Variants in GREB1 observed in about 807,000 individuals in gnomAD.
GREB1 encodes the protein growth regulating estrogen receptor binding 1.
GREB1 carries 106 observed loss-of-function variants against 200.7 expected under a neutral mutation model. That is an observed-to-expected ratio of 0.53 (90% CI 0.45 to 0.62). The LOEUF (loss-of-function observed/expected upper bound fraction) is 0.62, where lower values mean the gene tolerates loss of function less well. Among genes scored for constraint, GREB1 ranks in the 20% least tolerant of loss-of-function variants. The probability of loss-of-function intolerance (pLI) is 0.00; values close to 1 mark genes in which losing one functional copy is unlikely to be tolerated. For missense variants in GREB1, 2,243 were observed against 2,556.8 expected, an observed-to-expected ratio of 0.88 and a Z score of 2.65; for synonymous variants, 1,132 against 1,092.4, an observed-to-expected ratio of 1.04 and a Z score of -0.72.
intron 4 of GREB1, among the ~76,000 whole-genome samples, chr2:11,575,837 A>G (rs1305502053): frequency 6.6e-6 from 1 of 152,188 alleles, no homozygotes; most frequent in Non-Finnish European, 1.5e-5. Flanking sequence ...TGATCTGTGT[A>G]GACAGTGGAA....
At chr2:11,521,494 G>C (rs1558499110) in intron 1 of GREB1, among the ~76,000 whole-genome samples, 1 of 152,166 alleles carries the variant, frequency 6.6e-6, no homozygotes, top group Non-Finnish European at 1.5e-5. Flanking sequence ...ACTTTTAAAG[G>C]ATAAAACAAT....
rs1672810302 is a variant in GREB1, at chr2:11,493,313, G to A, written c.-159+10932G>A. On this transcript the variant is annotated intron_variant, in intron 1 of 2. Transcript: ENST00000628795. This position sits in a 1 kb window ranked among gnomAD's most constrained non-coding sequence, Gnocchi z 4.6. ...GACAATTTTTCCACAGACAGGGTGT[G>A]GGGGAGGGTGAAACTATTCCACCTC... Among the ~76,000 whole-genome samples, 1 of 152,160 alleles carries A rather than the reference G, an allele frequency of 6.6e-6. No individual in the cohort carries two copies. Among genetic ancestry groups the A allele is most frequent in the Non-Finnish European group, 1.5e-5 (1 of 68,016 alleles).
intron 8 of GREB1, 81 bp downstream of exon 8, chr2:11,585,355 T>C: frequency 1.2e-6 from 1 of 828,840 alleles, no homozygotes; most frequent in Non-Finnish European, 1.9e-6. Flanking sequence ...TATGTGTGCG[T>C]GTGTGCGTGC....
chr2:11,563,037 A>G (rs1216546668), intron 3 of GREB1: 1 of 151,958 alleles, frequency 6.6e-6, no homozygotes, highest in African/African-American at 2.4e-5. Flanking sequence ...CAGTGGTGCA[A>G]TCTCAGATCA....
chr2:11,605,111 G>T (rs1682130098), intron 17 of GREB1, among the ~76,000 whole-genome samples: 2 of 138,656 alleles, frequency 1.4e-5, no homozygotes, highest in African/African-American at 5.2e-5. Context: ...TGACCTGGGG[G>T]TACTGTCTGG....
intron 1 of GREB1, among the ~76,000 whole-genome samples, chr2:11,510,272 T>C (rs1056563509): frequency 6.6e-6 from 1 of 152,248 alleles, no homozygotes; most frequent in Non-Finnish European, 1.5e-5. Flanking sequence ...ATGTACCTTA[T>C]ATTGCACCAA....
intron 10 of GREB1, chr2:11,592,187 CTTTT>C (rs60260708): frequency 5.3e-4 from 164 of 311,794 alleles, no homozygotes; most frequent in Non-Finnish European, 6.5e-4. Context: ...TTTTTTTTTT[CTTTT>C]TTTTTTTTTT....
At position 11,631,899 on chromosome 2, in the gene GREB1, T is replaced by C; in HGVS notation, c.4612-10T>C. 1.2e-6 allele frequency: 2 copies of C among 1,604,428 alleles called. No individual in the cohort carries two copies. The highest frequency in any genetic ancestry group is 8.5e-7 in the Non-Finnish European group (1 of 1,171,558). The stretch of plus-strand genomic sequence containing the variant: ...CAAACACTCTACCTCATGATACCTG[T>C]ACTTTGCAGAGCCATGAATATATAA... On this transcript the variant is annotated splice_polypyrimidine_tract_variant and intron_variant, in intron 26 of 32. Coordinates refer to ENST00000381486, the MANE Select transcript of GREB1 (RefSeq NM_014668.4).
intron 1 of GREB1, among the ~76,000 whole-genome samples, chr2:11,488,978 T>C (rs6432207): frequency 0.98 from 149,478 of 151,816 alleles, 73,627 homozygotes; most frequent in Non-Finnish European, 1. Flanking sequence ...GCAACATAGG[T>C]GATTAGATCA....
At position 11,593,876 on chromosome 2, in the gene GREB1, T is replaced by C. The variant is rs144505211; in HGVS notation, c.1696+750T>C. 4.1e-4 allele frequency among the ~76,000 whole-genome samples: 62 copies of C among 152,306 alleles called. No individual in the cohort carries two copies. The East Asian group carries it at 0.012, about 28-fold the overall frequency. ...AGCAGTCTCTACTTGCCTGGAGTGT[T>C]CTTTTAGGTGGGGGAGGCAGACACC... On this transcript the variant is annotated intron_variant, in intron 11 of 32. Coordinates refer to ENST00000381486, the MANE Select transcript of GREB1 (RefSeq NM_014668.4).
chr2:11,628,116 C>G (rs951219383), intron 25 of GREB1, among the ~76,000 whole-genome samples: 3 of 152,146 alleles, frequency 2.0e-5, no homozygotes, highest in Non-Finnish European at 4.4e-5. Flanking sequence ...GGAACGAGGA[C>G]TCTCTCAGTG....
At chr2:11,595,620 C>T (rs1424999348) in intron 12 of GREB1, among the ~76,000 whole-genome samples, 1 of 152,090 alleles carries the variant, frequency 6.6e-6, no homozygotes, top group Non-Finnish European at 1.5e-5. Flanking sequence ...GTGGAGGGCA[C>T]CTTGTGGGTT....
chr2:11,585,705 A>G (rs1680011178), intron 8 of GREB1, 57 bp from the exon 9 acceptor site: 7 of 1,595,466 alleles, frequency 4.4e-6, no homozygotes, highest in Non-Finnish European at 5.1e-6. Flanking sequence ...GATGTCAGGT[A>G]TGTGAGAGGT....
rs62910060 is a variant in GREB1, at chr2:11,538,686, T to G, written c.-162+4432T>G. On this transcript the variant is annotated intron_variant, in intron 1 of 32. Coordinates refer to ENST00000381486, the MANE Select transcript of GREB1 (RefSeq NM_014668.4). ...CTTTCTTTCTTTCTTTCTTTCTTTC[T>G]TTCCTTCCTCCCTCCCTCCCTCCCT... is the stretch of plus-strand genomic sequence containing the variant. Among the ~76,000 whole-genome samples, 2 of 38,662 alleles carry G rather than the reference T, an allele frequency of 5.2e-5. 1 individual carries two copies. The highest frequency in any genetic ancestry group is 1.1e-4 in the Non-Finnish European group (2 of 18,212). The allele number at this position is 38,662 out of a possible 152,430, so 25.4% of individuals were successfully genotyped here. A position where few individuals can be genotyped will look rare whatever the true frequency, so the allele number is the denominator to read the frequency against.
chr2:11,580,164 A>G lies in GREB1; in HGVS notation c.773-540A>G, dbSNP rs1047073390. 2.6e-5 allele frequency among the ~76,000 whole-genome samples: 4 copies of G among 152,122 alleles called. No homozygotes were observed. Among genetic ancestry groups the G allele is most frequent in the East Asian group, 1.9e-4 (1 of 5,196 alleles). ...TGGGGGAAACCACCCCCATGATTCA[A>G]TTACCTCCCGCCAGGTCCCTCCCAC... On this transcript the variant is annotated intron_variant, in intron 6 of 32. Transcript: ENST00000381486. The surrounding 1 kb of genome is among the most constrained non-coding windows in gnomAD (Gnocchi z 4.5).
intron 21 of GREB1, 90 bp from the exon 22 acceptor site, chr2:11,618,198 G>GA: frequency 8.4e-7 from 1 of 1,192,300 alleles, no homozygotes; most frequent in East Asian, 4.0e-5. Context: ...CCTGGGATGG[G>GA]TGACTCCTGG....
intron 1 of GREB1, among the ~76,000 whole-genome samples, chr2:11,498,826 C>G (rs941197443): frequency 6.6e-6 from 1 of 152,164 alleles, no homozygotes; most frequent in African/African-American, 2.4e-5. Context: ...GCAGACTCAC[C>G]GAAACTGCTG....
At chr2:11,497,284 T>G (rs1409870795) in intron 1 of GREB1, among the ~76,000 whole-genome samples, 1 of 152,232 alleles carries the variant, frequency 6.6e-6, no homozygotes, top group Admixed American at 6.5e-5. Flanking sequence ...TCATCGAGGT[T>G]GTTTTAAGTA....
Position 11,621,003 on chromosome 2 carries a change from T to C in GREB1, c.4143T>C (p.Asn1381=). 1 of 1,576,752 alleles carries C rather than the reference T, an allele frequency of 6.3e-7. No homozygotes were observed. Among genetic ancestry groups the C allele is most frequent in the Non-Finnish European group, 8.7e-7 (1 of 1,145,758 alleles). The change falls in exon 23 of 33, where the codon AAT becomes AAC. Residue 1381 remains asparagine (N), a synonymous_variant. Transcript: ENST00000381486. ...EVDVYDEEEI[N]INLREESDWH... is the part of the protein sequence containing the mutation. The stretch of plus-strand genomic sequence containing the variant: ...ATGTCTATGACGAGGAGGAGATCAA[T>C]ATCAGTGAGTTATCTGTTTGGGGTT...
Sources: gnomAD v4.1 joint callset for allele counts (sites outside exome capture counted in the v4.1 genomes callset) on GRCh38, gnomAD v4.1.1 for gene constraint, Gnocchi (gnomAD v3.1) non-coding constraint, MANE v1.5 for transcripts, NCBI Gene and HGNC (gene_info 2026-07-23, HGNC 2026-07-21) for gene names.